ZBTB11: variants seen among roughly 807,000 people sequenced by gnomAD.
ZBTB11 encodes zinc finger and BTB domain-containing protein 11.
ZBTB11 carries 68 observed loss-of-function variants against 113.1 expected under a neutral mutation model. The ratio of observed to expected loss-of-function variants is 0.60; its 90% CI spans 0.49 to 0.74. The LOEUF is 0.74. Among genes scored for constraint, ZBTB11 ranks in the 30% least tolerant of loss-of-function variants. ZBTB11 has a pLI of 0.00. For synonymous variants in ZBTB11, 518 were observed against 452.6 expected, an observed-to-expected ratio of 1.14 and a Z score of -1.83; for missense variants, 1,104 against 1,279.4, an observed-to-expected ratio of 0.86 and a Z score of 2.09.
intron 5 of ZBTB11, among the ~76,000 whole-genome samples, chr3:101,663,426 T>C (rs1008621677): frequency 1.2e-4 from 18 of 152,210 alleles, no homozygotes; most frequent in African/African-American, 3.9e-4. Flanking sequence ...TAATATCTGT[T>C]CATATTTCAG....
intron 1 of ZBTB11, among the ~76,000 whole-genome samples, chr3:101,674,919 G>A (rs1254515917): frequency 6.6e-6 from 1 of 152,104 alleles, no homozygotes; most frequent in East Asian, 1.9e-4. Context: ...CTTTTGTTGT[G>A]TTATTTAACA....
chr3:101,675,662 G>A (rs530063900), intron 1 of ZBTB11, among the ~76,000 whole-genome samples: 2 of 152,338 alleles, frequency 1.3e-5, no homozygotes, highest in Non-Finnish European at 2.9e-5. Context: ...TTCCCAAGGA[G>A]TCAAGTAACT....
At chr3:101,654,969 C>T in intron 7 of ZBTB11, 148 bp from the exon 8 acceptor site, 1 of 583,954 alleles carries the variant, frequency 1.7e-6, no homozygotes, top group Non-Finnish European at 3.0e-6. Flanking sequence ...ACTCCACCTC[C>T]CAGGTTCAAG....
intron 5 of ZBTB11, among the ~76,000 whole-genome samples, chr3:101,660,718 ATATAGT>A (rs1936873375): frequency 6.6e-6 from 1 of 152,104 alleles, no homozygotes; most frequent in Non-Finnish European, 1.5e-5. Context: ...CTCTTTATCA[ATATAGT>A]TATATCATAT....
intron 6 of ZBTB11, among the ~76,000 whole-genome samples, chr3:101,657,877 C>A (rs1334651505): frequency 6.6e-6 from 1 of 151,984 alleles, no homozygotes; most frequent in Admixed American, 6.6e-5. Flanking sequence ...GTGGCATACA[C>A]CTGAAGTCCT....
chr3:101,658,854 C>T (rs947846149), intron 6 of ZBTB11, among the ~76,000 whole-genome samples: 3 of 152,014 alleles, frequency 2.0e-5, no homozygotes, highest in African/African-American at 7.2e-5. Flanking sequence ...AAAAACTTAC[C>T]CATGTAAACA....
At position 101,649,588 on chromosome 3, in the gene ZBTB11, T is replaced by C. The variant is rs1430685126; in HGVS notation, c.*1578A>G. 6.6e-6 allele frequency: 1 copy of C among 152,402 alleles called. No homozygotes were observed. The highest frequency in any genetic ancestry group is 1.9e-4 in the East Asian group (1 of 5,204). The allele number at this position is 152,402 out of a possible 1,614,324, so 9.4% of individuals were successfully genotyped here. On this transcript the variant is annotated 3_prime_UTR_variant, in exon 11 of 11. Transcript: ENST00000312938. ...CAAATTTTAGTCAGGTTGAAATGTT[T>C]TTCCACTAACTGAAAGATAAGATAA... is the stretch of plus-strand genomic sequence containing the variant.
At chr3:101,654,101 G>A (rs1936753711) in intron 8 of ZBTB11, among the ~76,000 whole-genome samples, 1 of 151,632 alleles carries the variant, frequency 6.6e-6, no homozygotes, top group Admixed American at 6.6e-5. Context: ...GTGCAGTGGT[G>A]TGATCTTGGC....
At chr3:101,666,560 A>G (rs1484616444) in intron 3 of ZBTB11, among the ~76,000 whole-genome samples, 1 of 152,224 alleles carries the variant, frequency 6.6e-6, no homozygotes, top group East Asian at 1.9e-4. Context: ...GCGGGAAAAC[A>G]AGGTCAGTTT....
chr3:101,664,965 T>C lies in ZBTB11; in HGVS notation c.1622A>G (p.Gln541Arg). 6.2e-7 allele frequency: 1 copy of C among 1,609,048 alleles called. No individual in the cohort carries two copies. Among genetic ancestry groups the C allele is most frequent in the Non-Finnish European group, 8.5e-7 (1 of 1,176,850 alleles). ...AGGTCAACCCTTCTTACATCATACC[T>C]GTTGAACTGCTGACTTGGGAACGGC... Reference protein sequence around the residue: ...RKAVPKSAVQQVAQKLVQRGK... With the variant: ...RKAVPKSAVQRVAQKLVQRGK... The change falls in exon 4 of 11, where the codon CAG (glutamine) becomes CGG (arginine). Residue 541 changes from glutamine (Q) to arginine (R), a missense_variant and splice_region_variant. By Grantham distance (43) the Gln-to-Arg change is conservative. This residue lies in a region of ZBTB11 where 535 missense variants were observed against 518.6 expected (regional missense o/e 1.03). Coordinates refer to ENST00000312938, the MANE Select transcript of ZBTB11 (RefSeq NM_014415.4).
At chr3:101,656,337 TTAAA>T (rs1936798203) in intron 6 of ZBTB11, 89 bp from the exon 7 acceptor site, 3 of 752,512 alleles carry the variant, frequency 4.0e-6, no homozygotes, top group Admixed American at 4.4e-5. Flanking sequence ...ATATATTATT[TTAAA>T]TAAATATTTA....
At chr3:101,668,597 A>G (rs564624924) in intron 3 of ZBTB11, among the ~76,000 whole-genome samples, 1 of 148,748 alleles carries the variant, frequency 6.7e-6, no homozygotes, top group South Asian at 2.1e-4. Flanking sequence ...ACTCTAGCCT[A>G]GGGTGACAGA....
At chr3:101,659,444 G>A (rs1005707093) in intron 6 of ZBTB11, among the ~76,000 whole-genome samples, 2 of 152,192 alleles carry the variant, frequency 1.3e-5, no homozygotes, top group Admixed American at 6.5e-5. Context: ...GGACCACAGA[G>A]ATTTGTTTAA....
chr3:101,661,265 C>T (rs1485575960), intron 5 of ZBTB11, among the ~76,000 whole-genome samples: 1 of 151,392 alleles, frequency 6.6e-6, no homozygotes, highest in Non-Finnish European at 1.5e-5. Flanking sequence ...TCATTATGTC[C>T]TGGGCTAACT....
intron 5 of ZBTB11, among the ~76,000 whole-genome samples, chr3:101,663,150 G>GGA (rs1488071855): frequency 6.6e-6 from 1 of 152,002 alleles, no homozygotes; most frequent in Non-Finnish European, 1.5e-5. Flanking sequence ...ATGTTAGTCA[G>GGA]GATAGTCTTG....
At chr3:101,670,880 G>C in intron 3 of ZBTB11, 1 of 430,618 alleles carries the variant, frequency 2.3e-6, no homozygotes, top group Non-Finnish European at 4.2e-6. Context: ...GTTTTTAACA[G>C]TTTAAATCCT....
At chr3:101,676,050 C>A (rs1395047186) in intron 1 of ZBTB11, among the ~76,000 whole-genome samples, 1 of 152,244 alleles carries the variant, frequency 6.6e-6, no homozygotes, top group Non-Finnish European at 1.5e-5. Flanking sequence ...ATCACTTCTG[C>A]AAATAATTGT....
chr3:101,671,617 G>A (rs551097398), intron 2 of ZBTB11: 1 of 578,456 alleles, frequency 1.7e-6, no homozygotes, highest in South Asian at 2.3e-5. Flanking sequence ...ATATGATGAT[G>A]TATGAAACTG....
At chr3:101,667,439 T>A (rs1263482581) in intron 3 of ZBTB11, among the ~76,000 whole-genome samples, 3 of 152,252 alleles carry the variant, frequency 2.0e-5, no homozygotes, top group African/African-American at 4.8e-5. Context: ...TCTTAGAGAT[T>A]TTTAAATATA....
Sources: allele counts gnomAD v4.1 joint callset (sites outside exome capture counted in the v4.1 genomes callset), GRCh38; gene constraint gnomAD v4.1.1; regional missense constraint gnomAD v4.1.1; transcripts MANE v1.5; gene names NCBI Gene and HGNC (gene_info 2026-07-23, HGNC 2026-07-21).